Variants in DTNBP1 observed in about 807,000 individuals in gnomAD.
DTNBP1 encodes dysbindin.
In DTNBP1, 35 loss-of-function variants were observed where a neutral mutation model predicts 42.8. The ratio of observed to expected loss-of-function variants is 0.82; its 90% confidence interval spans 0.63 to 1.09. The LOEUF is 1.09. Ranked by LOEUF, DTNBP1 falls within the 50% of genes least tolerant of loss-of-function variation. DTNBP1 has a pLI of 0.00. For missense variants in DTNBP1, 457 were observed against 424.2 expected (o/e 1.08, Z -0.68); for synonymous variants, 171 against 162.2 (o/e 1.05, Z -0.41).
intron 3 of DTNBP1, among the ~76,000 whole-genome samples, chr6:15,640,856 A>C (rs1760302809): frequency 6.6e-6 from 1 of 152,188 alleles, no homozygotes; most frequent in Admixed American, 6.5e-5. Flanking sequence ...GTTTTAGCAC[A>C]ATGACAGCTA....
chr6:15,582,892 A>G (rs78598127), intron 7 of DTNBP1, among the ~76,000 whole-genome samples: 2 of 152,346 alleles, frequency 1.3e-5, no homozygotes, highest in East Asian at 3.9e-4. Flanking sequence ...TATTATTCCA[A>G]TGCTTCTTTA....
rs894244547 is a variant in DTNBP1 at position 15,628,762 on chromosome 6, C to G, written c.223-1287G>C. Among the ~76,000 whole-genome samples the G allele has an allele frequency of 5.3e-5, 8 of 152,090 alleles. No homozygotes were observed. In the East Asian group the frequency reaches 1.5e-3, roughly 29 times the overall value. Reference sequence around the variant, plus strand: ...GAATACAACTGATTCTTACTAAGTTCCACTTAATAAATTAAGAAAGAACTT... The same window carrying G: ...GAATACAACTGATTCTTACTAAGTTGCACTTAATAAATTAAGAAAGAACTT... On this transcript the variant is annotated intron_variant, in intron 4 of 9. Transcript: ENST00000344537.
chr6:15,601,648 A>G (rs892127633), intron 6 of DTNBP1, among the ~76,000 whole-genome samples: 1 of 151,886 alleles, frequency 6.6e-6, no homozygotes, highest in Non-Finnish European at 1.5e-5. Context: ...GTTCAAGACC[A>G]GCCTGACCAA....
intron 6 of DTNBP1, among the ~76,000 whole-genome samples, chr6:15,605,097 G>T (rs1044102978): frequency 2.0e-5 from 3 of 152,126 alleles, no homozygotes; most frequent in Non-Finnish European, 4.4e-5. Flanking sequence ...AAATTCTGAT[G>T]GTATGCTGTG....
chr6:15,534,450 G>A lies in DTNBP1; in HGVS notation c.512-1055C>T, dbSNP rs189914831. Among the ~76,000 whole-genome samples the A allele has an allele frequency of 1.6e-3, 245 of 152,202 alleles. 1 individual carries two copies. Among genetic ancestry groups the A allele is most frequent in the East Asian group, 2.7e-3 (14 of 5,182 alleles). On this transcript the variant is annotated intron_variant, in intron 7 of 9. Transcript: ENST00000344537. The stretch of plus-strand genomic sequence containing the variant: ...GCGGATCACCTGAGGTAAGGAGTTC[G>A]AGACCAGCCTGGCCAATATGGTAAA...
chr6:15,626,067 A>G (rs1293025245), intron 5 of DTNBP1, among the ~76,000 whole-genome samples: 1 of 152,210 alleles, frequency 6.6e-6, no homozygotes, highest in Admixed American at 6.5e-5. Context: ...ATAGAGACCT[A>G]CTGAGAGCTC....
chr6:15,587,419 GAA>G lies in DTNBP1; in HGVS notation c.511+5638_511+5639del. On this transcript the variant is annotated intron_variant, in intron 7 of 9. Coordinates refer to ENST00000344537, the MANE Select transcript of DTNBP1 (RefSeq NM_032122.5). The surrounding 1 kb of genome is among the most constrained non-coding windows in gnomAD (Gnocchi z 4.1). ...GTCAAAATGATCCTAAAATTTATAT[GAA>G]AAGACGAAGGACCTTAAATATTAAA... is the stretch of plus-strand genomic sequence containing the variant. Among the ~76,000 whole-genome samples, 1 of 152,254 alleles carries G rather than the reference GAA, an allele frequency of 6.6e-6. No homozygotes were observed. The highest frequency in any genetic ancestry group is 1.9e-4 in the East Asian group (1 of 5,184).
intron 6 of DTNBP1, among the ~76,000 whole-genome samples, chr6:15,594,372 G>A (rs1245153885): frequency 3.3e-5 from 5 of 151,786 alleles, no homozygotes; most frequent in East Asian, 1.9e-4. Flanking sequence ...GGCTGAGGCA[G>A]GAGAATCACT....
intron 7 of DTNBP1, among the ~76,000 whole-genome samples, chr6:15,577,999 T>C (rs1040165484): frequency 1.6e-4 from 24 of 152,304 alleles, no homozygotes; most frequent in African/African-American, 5.5e-4. Flanking sequence ...AAAAGAATAG[T>C]GAAGTATGTG....
chr6:15,536,044 C>T (rs990754687), intron 7 of DTNBP1, among the ~76,000 whole-genome samples: 2 of 152,190 alleles, frequency 1.3e-5, no homozygotes, highest in African/African-American at 4.8e-5. Flanking sequence ...GTAAAGCATT[C>T]AAGACATGAC....
At chr6:15,546,888 A>G (rs1188683881) in intron 7 of DTNBP1, among the ~76,000 whole-genome samples, 2 of 151,772 alleles carry the variant, frequency 1.3e-5, no homozygotes, top group African/African-American at 4.8e-5. Flanking sequence ...ACTATGCTAA[A>G]ATGCCGCATG....
intron 2 of DTNBP1, 119 bp from the exon 3 acceptor site, chr6:15,651,482 C>T (rs1274533435): frequency 7.4e-7 from 1 of 1,347,384 alleles, no homozygotes; most frequent in South Asian, 1.3e-5. Context: ...TCACTAATGA[C>T]AATTATTAAA....
At chr6:15,588,393 C>T (rs566378845) in intron 7 of DTNBP1, among the ~76,000 whole-genome samples, 23 of 152,286 alleles carry the variant, frequency 1.5e-4, no homozygotes, top group Non-Finnish European at 2.5e-4. Context: ...ACTCCCTATC[C>T]GGACTCTATC....
chr6:15,616,016 C>T (rs1007464914), intron 5 of DTNBP1, among the ~76,000 whole-genome samples: 1 of 152,194 alleles, frequency 6.6e-6, no homozygotes, highest in East Asian at 1.9e-4. Context: ...GCCACAGAGC[C>T]TTGCAGCTGT....
chr6:15,656,935 C>A (rs1019098082), intron 1 of DTNBP1, among the ~76,000 whole-genome samples: 10 of 152,152 alleles, frequency 6.6e-5, no homozygotes, highest in African/African-American at 2.4e-4. Context: ...TGCTTTAAAG[C>A]ACCACAGAAA....
intron 7 of DTNBP1, among the ~76,000 whole-genome samples, chr6:15,591,770 CT>C (rs1776308872): frequency 1.3e-5 from 2 of 152,136 alleles, no homozygotes; most frequent in South Asian, 4.1e-4. Context: ...CCTGCCCTGT[CT>C]TTTAATATTA....
At position 15,522,836 on chromosome 6, in the gene DTNBP1, GTTCT is replaced by G. The variant is rs772742958; in HGVS notation, c.*135_*138del. 5.5e-6 allele frequency: 8 copies of G among 1,455,324 alleles called. No individual in the cohort carries two copies. Among genetic ancestry groups the G allele is most frequent in the Non-Finnish European group, 7.6e-6 (8 of 1,050,942 alleles). The allele number at this position is 1,455,324 out of a possible 1,614,324, so 90.2% of individuals were successfully genotyped here. The stretch of plus-strand genomic sequence containing the variant: ...CCGTCCTCACACTTTATTGTTAGCT[GTTCT>G]TTAAGTTTCTCACACATTATTGGCA... On this transcript the variant is annotated 3_prime_UTR_variant, in exon 10 of 10. Transcript: ENST00000344537.
chr6:15,633,184 GT>G (rs1340287775), intron 4 of DTNBP1, among the ~76,000 whole-genome samples: 1 of 152,176 alleles, frequency 6.6e-6, no homozygotes, highest in Admixed American at 6.5e-5. Flanking sequence ...AATTAACATT[GT>G]TTTCATGCCC....
intron 7 of DTNBP1, among the ~76,000 whole-genome samples, chr6:15,551,693 G>A (rs780113392): frequency 1.5e-4 from 23 of 152,182 alleles, no homozygotes; most frequent in Non-Finnish European, 2.4e-4. Flanking sequence ...TAGTTCCACT[G>A]GATGCCACGT....
Sources: gnomAD v4.1 joint callset for allele counts (sites outside exome capture counted in the v4.1 genomes callset) on GRCh38, gnomAD v4.1.1 for gene constraint, Gnocchi (gnomAD v3.1) non-coding constraint, MANE v1.5 for transcripts, NCBI Gene and HGNC (gene_info 2026-07-23, HGNC 2026-07-21) for gene names.